HFM1: variants seen among roughly 807,000 people sequenced by gnomAD.
HFM1 encodes probable ATP-dependent DNA helicase HFM1.
Under a neutral mutation model 192.1 loss-of-function variants are expected in HFM1, and 169 were observed. That is an observed-to-expected ratio of 0.88 (90% CI 0.78 to 1.00). The LOEUF is 1.00. HFM1 is among the 50% of genes least tolerant of loss of function. The pLI, the probability that HFM1 is intolerant of heterozygous loss-of-function variation, is 0.00. For missense variants in HFM1, 1,661 were observed against 1,668.0 expected, an observed-to-expected ratio of 1.00 and a Z score of 0.07; for synonymous variants, 525 against 537.8, an observed-to-expected ratio of 0.98 and a Z score of 0.33.
At chr1:91,368,217 C>G (rs1659653583) in intron 13 of HFM1, among the ~76,000 whole-genome samples, 1 of 152,180 alleles carries the variant, frequency 6.6e-6, no homozygotes, top group South Asian at 2.1e-4. Context: ...GCAAGGCAGG[C>G]CAACATTCAA....
intron 38 of HFM1, 28 bp downstream of exon 38, chr1:91,262,213 T>C: frequency 1.8e-6 from 2 of 1,093,210 alleles, no homozygotes; most frequent in Non-Finnish European, 2.6e-6. Context: ...ATTGATATAA[T>C]CTTAAAGTGT....
intron 23 of HFM1, among the ~76,000 whole-genome samples, 178 bp from the exon 24 acceptor site, chr1:91,319,568 T>C (rs900523445): frequency 6.6e-6 from 1 of 152,150 alleles, no homozygotes; most frequent in Admixed American, 6.5e-5. Context: ...CATTCCTTTT[T>C]CCCCAAATCC....
intron 30 of HFM1, among the ~76,000 whole-genome samples, chr1:91,310,427 AAAT>A (rs1164194088): frequency 6.6e-6 from 1 of 152,198 alleles, no homozygotes; most frequent in African/African-American, 2.4e-5. Context: ...CCATAATAAA[AAAT>A]AATAATTCAT....
chr1:91,295,710 G>T (rs985399269), intron 30 of HFM1, among the ~76,000 whole-genome samples: 4 of 151,912 alleles, frequency 2.6e-5, no homozygotes, highest in Non-Finnish European at 5.9e-5. Context: ...GTATCTTTTT[G>T]ATGAACAGAG....
chr1:91,306,224 C>T (rs1366993634), intron 30 of HFM1, among the ~76,000 whole-genome samples: 2 of 151,864 alleles, frequency 1.3e-5, no homozygotes, highest in East Asian at 1.9e-4. Context: ...TCCCAGCACT[C>T]GGGAGGCTGA....
intron 13 of HFM1, among the ~76,000 whole-genome samples, chr1:91,370,211 A>G (rs1233595005): frequency 6.6e-6 from 1 of 152,212 alleles, no homozygotes; most frequent in Middle Eastern, 3.2e-3. Flanking sequence ...ATCAATAGAA[A>G]AAGAGGGAAT....
chr1:91,402,432 CTA>C (rs1023661809), intron 1 of HFM1, among the ~76,000 whole-genome samples: 13 of 152,084 alleles, frequency 8.5e-5, no homozygotes, highest in Admixed American at 5.2e-4. Flanking sequence ...TCATTTTTCT[CTA>C]TCTATTAATC....
rs145864075 is a variant in HFM1 at position 91,285,983 on chromosome 1, G to A, written c.3392-8921C>T. Among the ~76,000 whole-genome samples, 549 of 152,204 alleles carry A rather than the reference G, an allele frequency of 3.6e-3. 3 individuals are homozygous for A. Among genetic ancestry groups the A allele is most frequent in the African/African-American group, 0.012 (519 of 41,534 alleles). ...CAGTACTTGTGTTCAAGTAACCCTT[G>A]TTTTACTTAGTAATGGCCCCAAAGC... On this transcript the variant is annotated intron_variant, in intron 30 of 38. Coordinates refer to ENST00000370425, the MANE Select transcript of HFM1 (RefSeq NM_001017975.6).
At chr1:91,407,284 C>T (rs1054823319), upstream of HFM1, among the ~76,000 whole-genome samples, 1 of 151,762 alleles carries the variant, frequency 6.6e-6, no homozygotes, top group African/African-American at 2.4e-5. Context: ...TGCAGCAAAC[C>T]GACATGGCAC....
intron 34 of HFM1, among the ~76,000 whole-genome samples, chr1:91,271,369 G>T (rs1666273161): frequency 6.6e-6 from 1 of 152,154 alleles, no homozygotes; most frequent in Admixed American, 6.5e-5. Context: ...CCTTGATTTA[G>T]CCAGAATTAA....
At chr1:91,366,639 G>T (rs1659351186) in intron 13 of HFM1, among the ~76,000 whole-genome samples, 1 of 152,156 alleles carries the variant, frequency 6.6e-6, no homozygotes, top group South Asian at 2.1e-4. Context: ...ATAAGAGGTG[G>T]GTGGAGCCAA....
intron 1 of HFM1, among the ~76,000 whole-genome samples, chr1:91,402,473 T>C (rs544175372): frequency 2.6e-4 from 40 of 152,276 alleles, no homozygotes; most frequent in African/African-American, 9.1e-4. Flanking sequence ...GTAGTAAAAA[T>C]GAAACAAACT....
At chr1:91,287,017 C>A (rs557145318) in intron 30 of HFM1, among the ~76,000 whole-genome samples, 1 of 150,986 alleles carries the variant, frequency 6.6e-6, no homozygotes, top group South Asian at 2.1e-4. Flanking sequence ...CCTACGCCCA[C>A]GGAGTCTCGC....
rs376608073 is a variant in HFM1, at chr1:91,261,317, T to A, written c.4281A>T (p.Leu1427Phe). 4 of 1,418,776 alleles carry A rather than the reference T, an allele frequency of 2.8e-6. No homozygotes were observed. Among genetic ancestry groups the A allele is most frequent in the Non-Finnish European group, 3.7e-6 (4 of 1,072,552 alleles). The allele number at this position is 1,418,776 out of a possible 1,614,324, so 87.9% of individuals were successfully genotyped here. A position where few individuals can be genotyped will look rare whatever the true frequency, so the allele number is the denominator to read the frequency against. ...AGAAAATACCATCAAATATTCCCAATAAAGACTTCATTTCATCAGCTTCAT... is the reference window on the plus strand; with the variant it reads ...AGAAAATACCATCAAATATTCCCAAAAAAGACTTCATTTCATCAGCTTCAT... ...PDDEADEMKSLLGIFDGIF is the reference protein window; with the variant it reads ...PDDEADEMKSFLGIFDGIF Residue 1427 changes from leucine (L) to phenylalanine (F), a missense_variant, in exon 39 of 39, where the codon TTA (leucine) becomes TTT (phenylalanine). Transcript: ENST00000370425.
chr1:91,388,864 G>C (rs990908488), intron 4 of HFM1, among the ~76,000 whole-genome samples: 1 of 152,124 alleles, frequency 6.6e-6, no homozygotes, highest in African/African-American at 2.4e-5. Context: ...AAAACCCACA[G>C]AATGGGGGAA....
upstream of HFM1, among the ~76,000 whole-genome samples, chr1:91,406,864 C>T (rs991686152): frequency 6.6e-6 from 1 of 152,028 alleles, no homozygotes; most frequent in African/African-American, 2.4e-5. Flanking sequence ...GAAAGAGATA[C>T]AAAAATTTGG....
intron 13 of HFM1, among the ~76,000 whole-genome samples, chr1:91,367,070 G>C (rs555866645): frequency 6.6e-6 from 1 of 152,162 alleles, no homozygotes; most frequent in African/African-American, 2.4e-5. Flanking sequence ...AGGGGCACCC[G>C]CCATTGCCGA....
At chr1:91,372,097 G>A (rs1440752448) in intron 13 of HFM1, among the ~76,000 whole-genome samples, 2 of 152,208 alleles carry the variant, frequency 1.3e-5, no homozygotes, top group Non-Finnish European at 2.9e-5. Context: ...AACAGGTGCT[G>A]GAGAGGATGT....
At chr1:91,376,248 G>T (rs1470778893) in intron 11 of HFM1, among the ~76,000 whole-genome samples, 4 of 151,968 alleles carry the variant, frequency 2.6e-5, no homozygotes, top group African/African-American at 4.8e-5. Flanking sequence ...CTAGATTCTG[G>T]AACTGTGGTA....
Sources: allele counts gnomAD v4.1 joint callset (sites outside exome capture counted in the v4.1 genomes callset), GRCh38; gene constraint gnomAD v4.1.1; transcripts MANE v1.5; gene names NCBI Gene and HGNC (gene_info 2026-07-23, HGNC 2026-07-21).